ARG1: variants seen among roughly 807,000 people sequenced by gnomAD.
ARG1 encodes the protein arginase 1.
In ARG1, 20 loss-of-function variants were observed where a neutral mutation model predicts 33.0. That is an observed-to-expected ratio of 0.61 (90% CI 0.43 to 0.88). ARG1 has a LOEUF of 0.88. Among genes scored for constraint, ARG1 ranks in the 40% least tolerant of loss-of-function variants. ARG1 has a pLI of 0.00. For synonymous variants in ARG1, 146 were observed against 140.6 expected (o/e 1.04, Z -0.27); for missense variants, 374 against 384.7 (o/e 0.97, Z 0.23).
At chr6:131,577,015 G>C (rs1773646987) in intron 2 of ARG1, among the ~76,000 whole-genome samples, 1 of 152,102 alleles carries the variant, frequency 6.6e-6, no homozygotes, top group Non-Finnish European at 1.5e-5. Context: ...TGGATGGTAG[G>C]GGAGCCGGGG....
intron 2 of ARG1, among the ~76,000 whole-genome samples, chr6:131,577,346 G>A (rs1027495367): frequency 2.0e-5 from 3 of 152,172 alleles, no homozygotes; most frequent in African/African-American, 7.2e-5. Flanking sequence ...TAGGTGGGCA[G>A]TTTCTCAGGT....
chr6:131,580,559 T>C (rs1773867494), intron 3 of ARG1, among the ~76,000 whole-genome samples: 1 of 152,214 alleles, frequency 6.6e-6, no homozygotes, highest in South Asian at 2.1e-4. Context: ...TCCTAACTTT[T>C]AACTTCTGTG....
chr6:131,579,387 C>A, intron 3 of ARG1, 102 bp downstream of exon 3: 1 of 1,339,370 alleles, frequency 7.5e-7, no homozygotes, highest in Non-Finnish European at 1.0e-6. Flanking sequence ...AAGCATTGAC[C>A]TATATTTTAT....
chr6:131,578,957 A>T, intron 2 of ARG1, 154 bp from the exon 3 acceptor site: 1 of 802,478 alleles, frequency 1.2e-6, no homozygotes, highest in Non-Finnish European at 1.9e-6. Context: ...AAAAGCAGAC[A>T]TGGGTCTACC....
chr6:131,576,163 G>C (rs1001906565), intron 1 of ARG1, among the ~76,000 whole-genome samples: 1 of 152,144 alleles, frequency 6.6e-6, no homozygotes, highest in Admixed American at 6.5e-5. Context: ...AGTGTTAAGG[G>C]CATCCTGTTT....
chr6:131,582,406 CA>C (rs894758897), intron 4 of ARG1, among the ~76,000 whole-genome samples: 1 of 152,142 alleles, frequency 6.6e-6, no homozygotes, highest in Non-Finnish European at 1.5e-5. Context: ...GACTGGGGCA[CA>C]AAGTAGGTAA....
At chr6:131,576,577 A>G (rs930551837) in intron 1 of ARG1, 86 bp from the exon 2 acceptor site, 2 of 1,294,454 alleles carry the variant, frequency 1.5e-6, no homozygotes, top group Admixed American at 1.7e-5. Context: ...TTACAGTTCA[A>G]CTGATTAAAT....
At chr6:131,582,483 G>GTA (rs1033551549) in intron 4 of ARG1, 138 bp from the exon 5 acceptor site, 1 of 727,948 alleles carries the variant, frequency 1.4e-6, no homozygotes, top group Admixed American at 2.2e-5. Flanking sequence ...TCTTAATTGT[G>GTA]TATTATTTTT....
chr6:131,576,844 G>C lies in ARG1; in HGVS notation c.130+109G>C, dbSNP rs994369097. The C allele has an allele frequency of 7.2e-5, 71 of 990,840 alleles. No individual in the cohort carries two copies. In the East Asian group the frequency reaches 1.6e-3, roughly 22 times the overall value. 61.4% of individuals were successfully genotyped at this position (990,840 alleles called of 1,614,324 possible). On this transcript the variant is annotated intron_variant, in intron 2 of 7. Transcript: ENST00000368087. ...TCTGGAATATTTACATCAGAATTGCGGTACTGGTTACAACCCGAGAAACAC... is the reference window on the plus strand; with the variant it reads ...TCTGGAATATTTACATCAGAATTGCCGTACTGGTTACAACCCGAGAAACAC...
rs1338975137 is a variant in ARG1 at position 131,579,283 on chromosome 6, C to T, written c.303C>T (p.His101=). The change falls in exon 3 of 8, where the codon CAC becomes CAT. Residue 101 remains histidine, a splice_region_variant and synonymous_variant. Coordinates refer to ENST00000368087, the MANE Select transcript of ARG1 (RefSeq NM_000045.4). ...TCAGCCTGGTGCTGGGCGGAGACCA[C>T]AGGTCTTGTTGAATAACTGTGTCTA... The part of the protein sequence containing the change: ...GRISLVLGGD[H]SLAIGSISGH... 1.2e-6 allele frequency: 2 copies of T among 1,613,774 alleles called. No homozygotes were observed. The highest frequency in any genetic ancestry group is 1.3e-5 in the African/African-American group (1 of 74,866).
At chr6:131,577,145 G>C (rs1773656237) in intron 2 of ARG1, among the ~76,000 whole-genome samples, 1 of 152,172 alleles carries the variant, frequency 6.6e-6, no homozygotes, top group East Asian at 1.9e-4. Context: ...CCTAGTGTGG[G>C]CGCAGTGTGT....
intron 2 of ARG1, 40 bp downstream of exon 2, chr6:131,576,775 C>A: frequency 6.4e-7 from 1 of 1,562,664 alleles, no homozygotes. Flanking sequence ...TGATTTCCTC[C>A]CCACTCTGAA....
chr6:131,583,942 A>G lies in ARG1; in HGVS notation c.*34A>G. 6.2e-7 allele frequency: 1 copy of G among 1,604,844 alleles called. No individual in the cohort carries two copies. The highest frequency in any genetic ancestry group is 8.5e-7 in the Non-Finnish European group (1 of 1,171,818). Reference sequence around the variant, plus strand: ...ACATCCGATATAAATCTCATAGTTAATGGCATAATTAGAAAGCTAATCATT... The same window carrying G: ...ACATCCGATATAAATCTCATAGTTAGTGGCATAATTAGAAAGCTAATCATT... On this transcript the variant is annotated 3_prime_UTR_variant, in exon 8 of 8. Transcript: ENST00000368087.
Position 131,583,817 on chromosome 6 carries a change from T to G in ARG1, c.878T>G (p.Val293Gly), listed in dbSNP as rs1585430178. Residue 293 changes from valine to glycine, a missense_variant, in exon 8 of 8, where the codon GTG becomes GGG. Physicochemically the swap from Val to Gly is moderately radical, Grantham distance 109. Coordinates refer to ENST00000368087, the MANE Select transcript of ARG1 (RefSeq NM_000045.4). Reference sequence around the variant, plus strand: ...ACACCAGAAGAAGTAACTCGAACAGTGAACACAGCAGTTGCAATAACCTTG... The same window carrying G: ...ACACCAGAAGAAGTAACTCGAACAGGGAACACAGCAGTTGCAATAACCTTG... ...GKTPEEVTRT[V>G]NTAVAITLAC... is the part of the protein sequence containing the mutation. 6.2e-7 allele frequency: 1 copy of G among 1,614,008 alleles called. No individual in the cohort carries two copies.
chr6:131,576,012 G>A (rs908531052), intron 1 of ARG1, among the ~76,000 whole-genome samples: 4 of 152,152 alleles, frequency 2.6e-5, no homozygotes, highest in African/African-American at 9.7e-5. Flanking sequence ...CTCTTTCGAT[G>A]CTTTTGCCCA....
At chr6:131,579,320 C>A (rs753111447) in intron 3 of ARG1, 35 bp downstream of exon 3, 3 of 1,609,302 alleles carry the variant, frequency 1.9e-6, no homozygotes, top group Admixed American at 1.7e-5. Flanking sequence ...GGGAATCTGG[C>A]ACAAAGGAAG....
At chr6:131,582,524 TATAAG>T (rs1773979205) in intron 4 of ARG1, 92 bp from the exon 5 acceptor site, 12 of 895,744 alleles carry the variant, frequency 1.3e-5, no homozygotes, top group Non-Finnish European at 2.0e-5. Context: ...ATATTCTAAA[TATAAG>T]ATATACGCAA....
At chr6:131,579,062 A>T (rs549339306) in intron 2 of ARG1, 49 bp from the exon 3 acceptor site, 2 of 1,597,164 alleles carry the variant, frequency 1.3e-6, no homozygotes, top group East Asian at 4.5e-5. Context: ...ACACAGACTG[A>T]TTTATAATCT....
intron 5 of ARG1, among the ~76,000 whole-genome samples, 162 bp from the exon 6 acceptor site, chr6:131,582,898 T>C (rs1774008692): frequency 6.6e-6 from 1 of 152,164 alleles, no homozygotes; most frequent in South Asian, 2.1e-4. Flanking sequence ...TAAATCTCAA[T>C]TGACTTGCTG....
Sources: allele counts gnomAD v4.1 joint callset (sites outside exome capture counted in the v4.1 genomes callset), GRCh38; gene constraint gnomAD v4.1.1; transcripts MANE v1.5; gene names NCBI Gene and HGNC (gene_info 2026-07-23, HGNC 2026-07-21).